Variants in ITK observed in about 807,000 individuals in gnomAD.
ITK encodes the protein IL2 inducible T cell kinase, also known as tyrosine-protein kinase ITK/TSK.
A neutral mutation model predicts 87.6 loss-of-function variants in ITK; 45 were observed. The ratio of observed to expected loss-of-function variants is 0.51; its 90% CI spans 0.40 to 0.66. The LOEUF is 0.66. Among genes scored for constraint, ITK ranks in the 30% least tolerant of loss-of-function variants. The probability of loss-of-function intolerance (pLI) is 0.00; values close to 1 mark genes in which losing one functional copy is unlikely to be tolerated. For synonymous variants in ITK, 303 were observed against 273.6 expected (o/e 1.11, Z -1.06); for missense variants, 605 against 766.3 (o/e 0.79, Z 2.48).
Position 157,210,361 on chromosome 5 carries a change from A to G in ITK, c.244-926A>G, listed in dbSNP as rs532213105. Among the ~76,000 whole-genome samples, 18 of 152,200 alleles carry G rather than the reference A, an allele frequency of 1.2e-4. No individual in the cohort carries two copies. The South Asian group carries it at 2.9e-3, about 25-fold the overall frequency. On this transcript the variant is annotated intron_variant, in intron 2 of 16. Coordinates refer to ENST00000422843, the MANE Select transcript of ITK (RefSeq NM_005546.4). ...TGGCATAGAAAAGAACTTTTTTTCT[A>G]CTAGAAAAGTGACCCTCATGAGTTG...
At chr5:157,251,122 C>T (rs1490823284) in intron 16 of ITK, among the ~76,000 whole-genome samples, 1 of 152,174 alleles carries the variant, frequency 6.6e-6, no homozygotes, top group Admixed American at 6.5e-5. Context: ...TCCAAAGTAG[C>T]TGTATTATTT....
intron 1 of ITK, among the ~76,000 whole-genome samples, chr5:157,188,430 G>A (rs1208224079): frequency 6.6e-6 from 1 of 152,062 alleles, no homozygotes; most frequent in African/African-American, 2.4e-5. Flanking sequence ...ATGTGCTTCT[G>A]TCACATCTGC....
chr5:157,250,095 A>C (rs1436304539), intron 16 of ITK, among the ~76,000 whole-genome samples: 2 of 151,900 alleles, frequency 1.3e-5, no homozygotes, highest in Non-Finnish European at 2.9e-5. Context: ...TTCATAGTTT[A>C]CATTAAGGTT....
At chr5:157,229,090 CTGAT>C (rs1486281922) in intron 7 of ITK, among the ~76,000 whole-genome samples, 6 of 152,060 alleles carry the variant, frequency 3.9e-5, no homozygotes, top group African/African-American at 1.4e-4. Flanking sequence ...AATAGATAGA[CTGAT>C]AGATAAATAA....
chr5:157,238,902 G>T (rs1279817407), intron 9 of ITK, among the ~76,000 whole-genome samples: 1 of 152,228 alleles, frequency 6.6e-6, no homozygotes, highest in Non-Finnish European at 1.5e-5. Flanking sequence ...CCAAAGTGCA[G>T]TCAGAATTAA....
chr5:157,186,423 C>T (rs1753645027), intron 1 of ITK, among the ~76,000 whole-genome samples: 1 of 151,044 alleles, frequency 6.6e-6, no homozygotes, highest in Non-Finnish European at 1.5e-5. Flanking sequence ...GCCTGTAATT[C>T]CAGCACTTTG....
chr5:157,197,623 A>G (rs894250772), intron 1 of ITK, among the ~76,000 whole-genome samples: 4 of 61,538 alleles, frequency 6.5e-5, no homozygotes, highest in Admixed American at 5.4e-4. Context: ...TTCTTCCAAA[A>G]ATGGGATGAT....
chr5:157,235,294 C>T (rs1253663254), intron 8 of ITK, among the ~76,000 whole-genome samples: 1 of 152,234 alleles, frequency 6.6e-6, no homozygotes, highest in Non-Finnish European at 1.5e-5. Context: ...GACTTACCTA[C>T]ATTTGGGAGC....
intron 16 of ITK, among the ~76,000 whole-genome samples, chr5:157,250,290 G>T (rs1175319113): frequency 6.6e-6 from 1 of 152,164 alleles, no homozygotes; most frequent in East Asian, 1.9e-4. Flanking sequence ...GCCTTTCTCA[G>T]AATGCCATAT....
In ITK at chr5:157,181,028, A is replaced by G. The variant is rs1358030785; in HGVS notation, c.51A>G (p.Gln17=). ...LEEQLIKKSQ[Q]KRRTSPSNFK... ...AACAGCTCATCAAGAAATCCCAACA[A>G]AAGAGAAGAACTTCTCCCTCGAACT... Residue 17 remains glutamine (Q), a synonymous_variant, in exon 1 of 17, where the codon CAA becomes CAG. Coordinates refer to ENST00000422843, the MANE Select transcript of ITK (RefSeq NM_005546.4). The G allele has an allele frequency of 1.2e-6, 2 of 1,613,976 alleles. No individual in the cohort carries two copies. The highest frequency in any genetic ancestry group is 1.1e-5 in the South Asian group (1 of 91,080).
chr5:157,242,101 C>G (rs1440596196), intron 11 of ITK, among the ~76,000 whole-genome samples: 1 of 152,196 alleles, frequency 6.6e-6, no homozygotes, highest in African/African-American at 2.4e-5. Flanking sequence ...GAGTAGCAGA[C>G]TATTGCCAGA....
At chr5:157,200,631 CCAACCAGT>C (rs1753946282) in intron 1 of ITK, among the ~76,000 whole-genome samples, 1 of 152,124 alleles carries the variant, frequency 6.6e-6, no homozygotes, top group Admixed American at 6.6e-5. Context: ...GAAAGACTGA[CCAACCAGT>C]CAGGATGGAT....
rs557105944 is a variant in ITK at position 157,239,304 on chromosome 5, T to G, written c.852-758T>G. 8.5e-5 allele frequency among the ~76,000 whole-genome samples: 13 copies of G among 152,190 alleles called. No individual in the cohort carries two copies. The East Asian group carries it at 1.4e-3, about 16-fold the overall frequency. On this transcript the variant is annotated intron_variant, in intron 9 of 16. Transcript: ENST00000422843. ...AATCTAGAGGAAACAAAACACAAGCTTCCAAGAGTCCTCTCCCACTGGAGC... is the reference window on the plus strand; with the variant it reads ...AATCTAGAGGAAACAAAACACAAGCGTCCAAGAGTCCTCTCCCACTGGAGC...
At chr5:157,246,065 A>G (rs1755015193) in intron 15 of ITK, 66 bp downstream of exon 15, 1 of 1,096,148 alleles carries the variant, frequency 9.1e-7, no homozygotes, top group East Asian at 2.3e-5. Context: ...TCCTTTATCA[A>G]ATGCAGACAA....
At chr5:157,243,056 A>C (rs1754944754) in intron 11 of ITK, among the ~76,000 whole-genome samples, 1 of 152,142 alleles carries the variant, frequency 6.6e-6, no homozygotes, top group Non-Finnish European at 1.5e-5. Context: ...GGGATTTCAG[A>C]TATTACCTGG....
intron 11 of ITK, 26 bp from the exon 12 acceptor site, chr5:157,243,597 C>T: frequency 6.2e-7 from 1 of 1,600,378 alleles, no homozygotes; most frequent in South Asian, 1.1e-5. Context: ...TTGCTGACCC[C>T]AGAGAACTCT....
intron 10 of ITK, chr5:157,240,600 G>C (rs1055059441): frequency 3.7e-6 from 1 of 271,524 alleles, no homozygotes; most frequent in Non-Finnish European, 7.2e-6. Flanking sequence ...AGGTTTAATT[G>C]GTCCATGGTT....
intron 7 of ITK, 99 bp from the exon 8 acceptor site, chr5:157,232,241 A>G (rs993239914): frequency 4.3e-5 from 37 of 853,162 alleles, no homozygotes; most frequent in Middle Eastern, 3.3e-4. Context: ...CACTGGTAGA[A>G]ATAGAAAATG....
intron 13 of ITK, chr5:157,244,930 A>C: frequency 4.4e-6 from 1 of 224,748 alleles, no homozygotes; most frequent in Non-Finnish European, 9.0e-6. Flanking sequence ...TGCACATTAA[A>C]ATTTGAGATA....
Sources: gnomAD v4.1 joint callset for allele counts (sites outside exome capture counted in the v4.1 genomes callset) on GRCh38, gnomAD v4.1.1 for gene constraint, MANE v1.5 for transcripts, NCBI Gene and HGNC (gene_info 2026-07-23, HGNC 2026-07-21) for gene names.